The following NCAM2 variants were observed in gnomAD, a reference collection of about 807,000 sequenced individuals.
NCAM2 encodes the protein neural cell adhesion molecule 2.
Under a neutral mutation model 98.1 loss-of-function variants are expected in NCAM2, and 30 were observed. The observed-to-expected ratio is 0.31, with a 90% CI of 0.23 to 0.41. NCAM2 has a LOEUF of 0.41. Ranked by LOEUF, NCAM2 falls within the 10% of genes least tolerant of loss-of-function variation. The pLI is 1.00. For missense variants in NCAM2, 867 were observed against 1,005.8 expected (o/e 0.86, Z 1.87); for synonymous variants, 368 against 342.4 (o/e 1.07, Z -0.83).
intron 1 of NCAM2, among the ~76,000 whole-genome samples, chr21:21,055,882 C>T (rs925178266): frequency 1.3e-5 from 2 of 152,026 alleles, no homozygotes; most frequent in African/African-American, 4.8e-5. Context: ...AATCCATGTT[C>T]GGTAATTAGT....
intron 1 of NCAM2, among the ~76,000 whole-genome samples, chr21:21,153,698 A>G (rs923099874): frequency 3.9e-5 from 6 of 151,954 alleles, no homozygotes; most frequent in Non-Finnish European, 8.8e-5. Context: ...TTGAAAACAT[A>G]TAAGTGAATG....
Position 21,269,655 on chromosome 21 carries a change from G to T in NCAM2, c.56-10923G>T, listed in dbSNP as rs898577122. Among the ~76,000 whole-genome samples, 12 of 152,218 alleles carry T rather than the reference G, an allele frequency of 7.9e-5. No individual in the cohort carries two copies. The South Asian group carries it at 1.4e-3, about 18-fold the overall frequency. ...ATTTTATGATTGGCACTTAACAAAA[G>T]AAATTAGTATATTCTCACATTAATG... On this transcript the variant is annotated intron_variant, in intron 1 of 17. Transcript: ENST00000400546.
intron 8 of NCAM2, among the ~76,000 whole-genome samples, chr21:21,357,680 A>G (rs1478624034): frequency 2.6e-5 from 4 of 151,998 alleles, no homozygotes; most frequent in Non-Finnish European, 5.9e-5. Flanking sequence ...TTACAACTTT[A>G]TTTTTATTAC....
At chr21:21,210,480 A>C in intron 1 of NCAM2, 1 of 1,227,784 alleles carries the variant, frequency 8.1e-7, no homozygotes, top group Admixed American at 2.6e-5. Context: ...TTCTTCATGA[A>C]GTACAAGTAA....
At chr21:21,268,047 T>C (rs2072352557) in intron 1 of NCAM2, among the ~76,000 whole-genome samples, 1 of 152,178 alleles carries the variant, frequency 6.6e-6, no homozygotes, top group Admixed American at 6.6e-5. Context: ...GCAGCATTTT[T>C]GGCTCTTGTG....
At chr21:21,026,340 T>C (rs1183454502) in intron 1 of NCAM2, among the ~76,000 whole-genome samples, 2 of 152,214 alleles carry the variant, frequency 1.3e-5, no homozygotes, top group African/African-American at 4.8e-5. Context: ...TACTTGAGAT[T>C]ATCTCCATGA....
At chr21:21,345,029 G>A (rs911721232) in intron 8 of NCAM2, among the ~76,000 whole-genome samples, 1 of 152,174 alleles carries the variant, frequency 6.6e-6, no homozygotes, top group Admixed American at 6.5e-5. Flanking sequence ...GACTATCAAG[G>A]CATTACCTCT....
Position 21,508,849 on chromosome 21 carries a change from A to G in NCAM2, c.2078-2A>G. The G allele has an allele frequency of 1.5e-6, 1 of 670,692 alleles. No homozygotes were observed. Among genetic ancestry groups the G allele is most frequent in the Non-Finnish European group, 2.0e-6 (1 of 488,298 alleles). The allele number at this position is 670,692 out of a possible 1,614,324, so 41.5% of individuals were successfully genotyped here. ...TTTTTTTTTTTTTTTTTACTTTTTA[A>G]GACACGCTGTTTAATGGTCTTGGGC... On this transcript the variant is annotated splice_acceptor_variant, in intron 15 of 17. Transcript: ENST00000400546. LOFTEE classifies it high-confidence loss of function.
At chr21:21,303,041 T>C (rs1355617898) in intron 5 of NCAM2, among the ~76,000 whole-genome samples, 3 of 152,030 alleles carry the variant, frequency 2.0e-5, no homozygotes, top group Non-Finnish European at 4.4e-5. Flanking sequence ...AAGTAAGGGC[T>C]AATCCTTGAA....
intron 8 of NCAM2, among the ~76,000 whole-genome samples, chr21:21,351,486 G>C (rs2147942727): frequency 6.6e-6 from 1 of 152,208 alleles, no homozygotes; most frequent in Admixed American, 6.5e-5. Context: ...ACAAACCAAA[G>C]CTCTTTCCAC....
chr21:21,224,291 C>T (rs1021622680), intron 1 of NCAM2, among the ~76,000 whole-genome samples: 28 of 152,250 alleles, frequency 1.8e-4, no homozygotes, highest in African/African-American at 6.7e-4. Context: ...GCGAATGGCC[C>T]TCCATTCTGC....
intron 6 of NCAM2, among the ~76,000 whole-genome samples, chr21:21,331,942 G>A (rs562776612): frequency 1.7e-4 from 26 of 150,350 alleles, no homozygotes; most frequent in South Asian, 2.1e-4. Flanking sequence ...TAGCCCTGTC[G>A]TCCAGGCTGG....
At chr21:21,410,252 A>G in intron 9 of NCAM2, 22 bp from the exon 10 acceptor site, 2 of 1,276,384 alleles carry the variant, frequency 1.6e-6, no homozygotes, top group Non-Finnish European at 2.1e-6. Flanking sequence ...GCCTATAATT[A>G]TTTTATTATA....
At chr21:21,389,014 A>G (rs2076327228) in intron 9 of NCAM2, among the ~76,000 whole-genome samples, 1 of 152,192 alleles carries the variant, frequency 6.6e-6, no homozygotes, top group Middle Eastern at 3.2e-3. Context: ...TAATCCTCAA[A>G]TCTGGGTAAC....
intron 11 of NCAM2, among the ~76,000 whole-genome samples, chr21:21,428,709 A>T (rs1317576519): frequency 1.3e-5 from 2 of 152,214 alleles, no homozygotes; most frequent in Non-Finnish European, 2.9e-5. Flanking sequence ...GATGTATAAG[A>T]TAGATAGGAA....
At chr21:21,373,405 T>C (rs2075963867) in intron 8 of NCAM2, among the ~76,000 whole-genome samples, 1 of 151,836 alleles carries the variant, frequency 6.6e-6, no homozygotes, top group Non-Finnish European at 1.5e-5. Context: ...GATGTTGCCA[T>C]GTAAATATAG....
intron 8 of NCAM2, 128 bp from the exon 9 acceptor site, chr21:21,373,735 A>G (rs980921953): frequency 3.8e-5 from 30 of 798,390 alleles, no homozygotes; most frequent in Non-Finnish European, 5.1e-5. Context: ...AATACTTTCT[A>G]CATCAGGAAC....
intron 13 of NCAM2, among the ~76,000 whole-genome samples, chr21:21,468,128 T>C (rs1374813382): frequency 1.3e-5 from 2 of 151,880 alleles, no homozygotes; most frequent in African/African-American, 2.4e-5. Context: ...AATGAAATAT[T>C]GAAACACAGG....
intron 15 of NCAM2, among the ~76,000 whole-genome samples, chr21:21,505,876 T>A (rs1987948233): frequency 6.6e-6 from 1 of 152,110 alleles, no homozygotes; most frequent in Admixed American, 6.6e-5. Context: ...AACAAACTTG[T>A]GACCTATTTT....
Sources: allele counts gnomAD v4.1 joint callset (sites outside exome capture counted in the v4.1 genomes callset), GRCh38; gene constraint gnomAD v4.1.1; transcripts MANE v1.5; gene names NCBI Gene and HGNC (gene_info 2026-07-23, HGNC 2026-07-21).